B3GAT1: variants seen among roughly 807,000 people sequenced by gnomAD.
The protein encoded by B3GAT1 is galactosylgalactosylxylosylprotein 3-beta-glucuronosyltransferase 1.
B3GAT1 carries 11 observed loss-of-function variants against 28.4 expected under a neutral mutation model. That is an observed-to-expected ratio of 0.39 (90% CI 0.24 to 0.64). The LOEUF is 0.64. B3GAT1 is among the 30% of genes least tolerant of loss of function. The probability of loss-of-function intolerance (pLI) is 0.50; values close to 1 mark genes in which losing one functional copy is unlikely to be tolerated. For synonymous variants in B3GAT1, 255 were observed against 223.1 expected (o/e 1.14, Z -1.27); for missense variants, 375 against 491.0 (o/e 0.76, Z 2.23).
At chr11:134,396,712 G>T (rs895994234) in intron 1 of B3GAT1, among the ~76,000 whole-genome samples, 1 of 152,162 alleles carries the variant, frequency 6.6e-6, no homozygotes, top group South Asian at 2.1e-4. Flanking sequence ...GCCTGGAAGG[G>T]CCAGGAAACG....
chr11:134,397,755 A>G (rs1203233067), intron 1 of B3GAT1, among the ~76,000 whole-genome samples: 2 of 152,214 alleles, frequency 1.3e-5, no homozygotes, highest in Non-Finnish European at 2.9e-5. Flanking sequence ...GTTTCCTTCC[A>G]GCTGTCAACT....
intron 1 of B3GAT1, among the ~76,000 whole-genome samples, chr11:134,397,373 A>C (rs1330725980): frequency 6.8e-6 from 1 of 147,610 alleles, no homozygotes. Context: ...CCCGCCCACC[A>C]CTCCCACCAT....
chr11:134,403,722 T>C (rs1944666001), intron 1 of B3GAT1, among the ~76,000 whole-genome samples: 1 of 151,832 alleles, frequency 6.6e-6, no homozygotes, highest in Admixed American at 6.6e-5. Flanking sequence ...ATAAAGAAAA[T>C]GTGGAATACA....
chr11:134,405,212 G>T (rs928592141), intron 1 of B3GAT1, among the ~76,000 whole-genome samples: 1 of 152,160 alleles, frequency 6.6e-6, no homozygotes, highest in African/African-American at 2.4e-5. Flanking sequence ...TGGGGGTCAG[G>T]ACTTATCTTC....
At chr11:134,406,355 C>T (rs1224107735) in intron 1 of B3GAT1, among the ~76,000 whole-genome samples, 1 of 152,216 alleles carries the variant, frequency 6.6e-6, no homozygotes, top group East Asian at 1.9e-4. Context: ...ATTTCAGTGG[C>T]ACTCACCTCC....
At chr11:134,394,794 G>A (rs1388267474) in intron 1 of B3GAT1, among the ~76,000 whole-genome samples, 2 of 152,254 alleles carry the variant, frequency 1.3e-5, no homozygotes, top group African/African-American at 4.8e-5. Context: ...GCAGAAGGAA[G>A]TATTAGTTTT....
chr11:134,393,673 G>A lies in B3GAT1; in HGVS notation c.-281-5733C>T, dbSNP rs888126849. ...ACATTCTGTGATGACAGTAGCAAGC[G>A]AGACGGTGAGTGCTGTGAACAGGCT... On this transcript the variant is annotated intron_variant, in intron 1 of 5. Coordinates refer to ENST00000312527, the MANE Select transcript of B3GAT1 (RefSeq NM_054025.3). The surrounding 1 kb of genome is among the most constrained non-coding windows in gnomAD (Gnocchi z 4.0). Among the ~76,000 whole-genome samples the A allele has an allele frequency of 3.9e-5, 6 of 152,208 alleles. No homozygotes were observed. Among genetic ancestry groups the A allele is most frequent in the African/African-American group, 1.4e-4 (6 of 41,446 alleles).
At chr11:134,409,598 T>C (rs1037695154) in intron 1 of B3GAT1, 2 of 152,278 alleles carry the variant, frequency 1.3e-5, no homozygotes, top group African/African-American at 4.8e-5. Context: ...GAAAGCACCT[T>C]CCTCAGTAGA....
intron 2 of B3GAT1, 147 bp from the exon 3 acceptor site, chr11:134,384,335 G>C (rs1565449936): frequency 1.8e-6 from 2 of 1,092,300 alleles, no homozygotes; most frequent in Non-Finnish European, 2.5e-6. Context: ...TGACCTGTTA[G>C]CTCTAAGGTT....
intron 1 of B3GAT1, among the ~76,000 whole-genome samples, chr11:134,406,394 C>T (rs1052163840): frequency 3.3e-5 from 5 of 152,168 alleles, no homozygotes; most frequent in African/African-American, 7.2e-5. Context: ...TATCTGGCTG[C>T]GTCTGCACAA....
At chr11:134,392,386 G>C (rs1229588421) in intron 1 of B3GAT1, 1 of 152,502 alleles carries the variant, frequency 6.6e-6, no homozygotes, top group African/African-American at 2.4e-5. Context: ...GTTTTGTTTT[G>C]AGAGACAGGG....
chr11:134,389,208 T>C (rs892299639), intron 1 of B3GAT1: 2 of 152,264 alleles, frequency 1.3e-5, no homozygotes, highest in African/African-American at 4.8e-5. Context: ...GACAGTCTTT[T>C]GAGGACAAAG....
intron 1 of B3GAT1, among the ~76,000 whole-genome samples, chr11:134,403,984 TA>T (rs1944672597): frequency 1.7e-4 from 1 of 6,006 alleles, no homozygotes; most frequent in African/African-American, 5.6e-4. Context: ...TTTCTTTCTT[TA>T]TATATATATA....
rs931372954 is a variant in B3GAT1 at position 134,412,141 on chromosome 11, G to T, written c.-616C>A. ...GGAGGGGGAGCGGGGAGCGGGCGCG[G>T]GGGCGAGAGGGGCGAGGGGGGCGCG... On this transcript the variant is annotated 5_prime_UTR_variant, in exon 1 of 6. Transcript: ENST00000312527. Among the ~76,000 whole-genome samples, 5 of 144,612 alleles carry T rather than the reference G, an allele frequency of 3.5e-5. No homozygotes were observed. The South Asian group carries it at 8.4e-4, about 24-fold the overall frequency. 94.9% of individuals were successfully genotyped at this position (144,612 alleles called of 152,430 possible). A position where few individuals can be genotyped will look rare whatever the true frequency, so the allele number is the denominator to read the frequency against.
chr11:134,379,303 C>CTGTT lies in B3GAT1; in HGVS notation c.*1455_*1458dup, dbSNP rs1200781855. On this transcript the variant is annotated 3_prime_UTR_variant, in exon 6 of 6. Coordinates refer to ENST00000312527, the MANE Select transcript of B3GAT1 (RefSeq NM_054025.3). Reference sequence around the variant, plus strand: ...TGGTGAGTCTTAATGGGGTGGGAGGCTGTTAGTTAAAAAATAAACACCTCT... The same window carrying CTGTT: ...TGGTGAGTCTTAATGGGGTGGGAGGCTGTTTGTTAGTTAAAAAATAAACACCTCT... 1 of 142,084 alleles carries CTGTT rather than the reference C, an allele frequency of 7.0e-6. No homozygotes were observed. Among genetic ancestry groups the CTGTT allele is most frequent in the African/African-American group, 2.6e-5 (1 of 39,144 alleles). The allele number at this position is 142,084 out of a possible 1,614,324, so 8.8% of individuals were successfully genotyped here. A position where few individuals can be genotyped will look rare whatever the true frequency, so the allele number is the denominator to read the frequency against.
intron 2 of B3GAT1, 137 bp downstream of exon 2, chr11:134,387,411 A>T: frequency 8.6e-7 from 1 of 1,158,090 alleles, no homozygotes; most frequent in East Asian, 2.6e-5. Flanking sequence ...GGGGTGCAAG[A>T]CTCATGAAGG....
chr11:134,396,846 A>G (rs1312625525), intron 1 of B3GAT1, among the ~76,000 whole-genome samples: 1 of 152,146 alleles, frequency 6.6e-6, no homozygotes, highest in Non-Finnish European at 1.5e-5. Flanking sequence ...GCAGGTGGAG[A>G]GGAGAGGGTC....
Position 134,391,502 on chromosome 11 carries a change from G to A in B3GAT1, c.-281-3562C>T, listed in dbSNP as rs11223781. On this transcript the variant is annotated intron_variant, in intron 1 of 5. Transcript: ENST00000312527. ...AGGAGGGCGGTGTTTGTCTGTGGTCGCAGGCTGTCTCTAACAAGGACCCCA... is the reference window on the plus strand; with the variant it reads ...AGGAGGGCGGTGTTTGTCTGTGGTCACAGGCTGTCTCTAACAAGGACCCCA... 8.5e-3 allele frequency: 1,298 copies of A among 152,456 alleles called. 24 individuals carry two copies. Among genetic ancestry groups the A allele is most frequent in the East Asian group, 0.056 (290 of 5,144 alleles). The allele number at this position is 152,456 out of a possible 1,614,324, so 9.4% of individuals were successfully genotyped here. A position where few individuals can be genotyped will look rare whatever the true frequency, so the allele number is the denominator to read the frequency against.
chr11:134,387,872 G>C lies in B3GAT1; in HGVS notation c.-213C>G. ...TTGCGGAAGCAGGTTTGGAGAGTCC[G>C]GCCCAACTGGAGTCTGAGAAGGGGT... On this transcript the variant is annotated 5_prime_UTR_variant, in exon 2 of 6. Transcript: ENST00000312527. The C allele has an allele frequency of 6.6e-7, 1 of 1,520,204 alleles. No individual in the cohort carries two copies. The highest frequency in any genetic ancestry group is 8.8e-7 in the Non-Finnish European group (1 of 1,136,936). 94.2% of individuals were successfully genotyped at this position (1,520,204 alleles called of 1,614,324 possible).
Sources: allele counts gnomAD v4.1 joint callset (sites outside exome capture counted in the v4.1 genomes callset), GRCh38; gene constraint gnomAD v4.1.1; non-coding constraint Gnocchi (gnomAD v3.1); transcripts MANE v1.5; gene names NCBI Gene and HGNC (gene_info 2026-07-23, HGNC 2026-07-21).